The following ANO3 variants were observed in gnomAD, a reference collection of about 807,000 sequenced individuals.
ANO3 encodes anoctamin-3.
A neutral mutation model predicts 144.8 loss-of-function variants in ANO3; 99 were observed. The ratio of observed to expected loss-of-function variants is 0.68; its 90% CI spans 0.58 to 0.81. ANO3 has a LOEUF of 0.81. ANO3 is among the 30% of genes least tolerant of loss of function. ANO3 has a pLI of 0.00. For missense variants in ANO3, 905 were observed against 1,202.2 expected (o/e 0.75, Z 3.66); for synonymous variants, 414 against 392.6 (o/e 1.05, Z -0.64).
chr11:26,354,291 T>A (rs1855720892), intron 1 of ANO3, among the ~76,000 whole-genome samples: 1 of 152,196 alleles, frequency 6.6e-6, no homozygotes, highest in Admixed American at 6.5e-5. Context: ...CTTAAAAATT[T>A]GCTCTTCTTT....
intron 14 of ANO3, among the ~76,000 whole-genome samples, chr11:26,583,538 CG>C (rs1565122536): frequency 6.6e-6 from 1 of 152,158 alleles, no homozygotes; most frequent in African/African-American, 2.4e-5. Context: ...ACAGGCTCTT[CG>C]TATCAATTAG....
intron 1 of ANO3, among the ~76,000 whole-genome samples, chr11:26,416,659 T>C (rs1213740375): frequency 6.6e-6 from 1 of 152,000 alleles, no homozygotes; most frequent in Admixed American, 6.6e-5. Context: ...TCTCCTGACC[T>C]GGTGATCCAC....
At position 26,531,253 on chromosome 11, in the gene ANO3, A is replaced by G. The variant is rs765807155; in HGVS notation, c.786A>G (p.Pro262=). Residue 262 remains proline, a synonymous_variant, in exon 8 of 27, where the codon CCA becomes CCG. Transcript: ENST00000256737. ...TCAAAAACTGGATGGCCCAAAACCC[A>G]ATGGTTCTTGACAAGTCAGCTTTTC... ...RRIKNWMAQN[P]MVLDKSAFPD... 1.2e-6 allele frequency: 2 copies of G among 1,614,102 alleles called. No homozygotes were observed. The highest frequency in any genetic ancestry group is 8.5e-7 in the Non-Finnish European group (1 of 1,179,988).
At chr11:26,216,135 T>G (rs1590198187) in intron 1 of ANO3, among the ~76,000 whole-genome samples, 1 of 152,044 alleles carries the variant, frequency 6.6e-6, no homozygotes, top group Non-Finnish European at 1.5e-5. Context: ...GTTATTCCTT[T>G]TATCTTAGAA....
rs1010951068 is a variant in ANO3, at chr11:26,268,935, A to G, written c.155-40710A>G. Among the ~76,000 whole-genome samples the G allele has an allele frequency of 3.3e-5, 5 of 152,282 alleles. No individual in the cohort carries two copies. In the East Asian group the frequency reaches 9.7e-4, roughly 29 times the overall value. ...CTCAAGGAAAAAAAAATCACTCCACATGTACAAATATGACTTTCCCTAAAA... is the reference window on the plus strand; with the variant it reads ...CTCAAGGAAAAAAAAATCACTCCACGTGTACAAATATGACTTTCCCTAAAA... On this transcript the variant is annotated intron_variant, in intron 1 of 27. Coordinates refer to the ANO3 transcript ENST00000672621.
chr11:26,539,486 T>C (rs558614784), intron 10 of ANO3, among the ~76,000 whole-genome samples: 33 of 152,314 alleles, frequency 2.2e-4, no homozygotes, highest in Non-Finnish European at 2.6e-4. Context: ...AAAAGCCTTT[T>C]AATCTTTGGG....
intron 4 of ANO3, among the ~76,000 whole-genome samples, chr11:26,482,432 G>A (rs1220797462): frequency 3.9e-4 from 13 of 33,128 alleles, no homozygotes; most frequent in Admixed American, 3.2e-3. Context: ...ATATATGTGT[G>A]TGTGTGTGTG....
chr11:26,332,581 T>A (rs1285502488), intron 1 of ANO3, among the ~76,000 whole-genome samples: 1 of 151,716 alleles, frequency 6.6e-6, no homozygotes, highest in African/African-American at 2.4e-5. Flanking sequence ...GTGAAGACTG[T>A]TTCAATGCAC....
At chr11:26,338,047 A>G (rs1175579027) in intron 1 of ANO3, among the ~76,000 whole-genome samples, 1 of 152,010 alleles carries the variant, frequency 6.6e-6, no homozygotes, top group Non-Finnish European at 1.5e-5. Flanking sequence ...GCCTTTGAAC[A>G]TTTACCTTTT....
intron 23 of ANO3, among the ~76,000 whole-genome samples, chr11:26,645,017 C>T (rs1386673328): frequency 1.3e-5 from 2 of 151,214 alleles, no homozygotes; most frequent in Non-Finnish European, 3.0e-5. Context: ...TTTTGACATT[C>T]TTAAAAAGGT....
chr11:26,271,990 T>C (rs75097927), intron 1 of ANO3, among the ~76,000 whole-genome samples: 2,985 of 152,190 alleles, frequency 0.02, 59 homozygotes, highest in East Asian at 0.12. Context: ...TTAATCCTTA[T>C]AAAACTCCAT....
In ANO3 at chr11:26,414,175, G is replaced by A. The variant is rs537379157; in HGVS notation, c.47-27743G>A. On this transcript the variant is annotated intron_variant, in intron 1 of 26. Transcript: ENST00000256737. Reference sequence around the variant, plus strand: ...AATTAGTTAAACCATTGTGGACGATGGTGTGGCGATTTCTCAAGGATCTAG... The same window carrying A: ...AATTAGTTAAACCATTGTGGACGATAGTGTGGCGATTTCTCAAGGATCTAG... Among the ~76,000 whole-genome samples, 7 of 152,124 alleles carry A rather than the reference G, an allele frequency of 4.6e-5. No individual in the cohort carries two copies. In the South Asian group the frequency reaches 1.0e-3, roughly 23 times the overall value.
intron 14 of ANO3, among the ~76,000 whole-genome samples, chr11:26,584,731 G>A (rs961239027): frequency 1.3e-5 from 2 of 152,160 alleles, no homozygotes; most frequent in African/African-American, 4.8e-5. Flanking sequence ...CCTGGGCCTT[G>A]TTTTCTTTAG....
intron 1 of ANO3, among the ~76,000 whole-genome samples, chr11:26,228,477 G>A (rs1852303459): frequency 6.6e-6 from 1 of 152,188 alleles, no homozygotes; most frequent in East Asian, 1.9e-4. Flanking sequence ...ACAAACACAA[G>A]ATAAGTTTTA....
intron 14 of ANO3, among the ~76,000 whole-genome samples, chr11:26,570,787 A>T (rs1052922435): frequency 6.6e-6 from 1 of 152,060 alleles, no homozygotes; most frequent in African/African-American, 2.4e-5. Flanking sequence ...TGTTACTCTG[A>T]GTGACTTTTT....
chr11:26,504,014 C>G (rs774824331), intron 4 of ANO3, among the ~76,000 whole-genome samples: 8 of 152,062 alleles, frequency 5.3e-5, no homozygotes, highest in Non-Finnish European at 1.0e-4. Context: ...CAGTTGATTC[C>G]GTTTACCGCA....
chr11:26,397,143 A>T (rs919698368), intron 1 of ANO3, among the ~76,000 whole-genome samples: 1 of 152,012 alleles, frequency 6.6e-6, no homozygotes, highest in African/African-American at 2.4e-5. Context: ...AGAAACTTGT[A>T]TTAGCTGCTT....
chr11:26,484,528 T>C (rs1004288846), intron 4 of ANO3, among the ~76,000 whole-genome samples: 1 of 152,106 alleles, frequency 6.6e-6, no homozygotes, highest in African/African-American at 2.4e-5. Context: ...TATATGGAAA[T>C]GCTTGGATGT....
At chr11:26,512,425 G>C (rs1324522208) in intron 5 of ANO3, among the ~76,000 whole-genome samples, 2 of 152,116 alleles carry the variant, frequency 1.3e-5, no homozygotes, top group Non-Finnish European at 2.9e-5. Context: ...TTGACTCCTG[G>C]GGAAAAGGTA....
Sources: allele counts gnomAD v4.1 joint callset (sites outside exome capture counted in the v4.1 genomes callset), GRCh38; gene constraint gnomAD v4.1.1; transcripts MANE v1.5; gene names NCBI Gene and HGNC (gene_info 2026-07-23, HGNC 2026-07-21).